The following KANK2 variants were observed in gnomAD, a reference collection of about 807,000 sequenced individuals.
KANK2 encodes KN motif and ankyrin repeat domains 2, also known as KN motif and ankyrin repeat domain-containing protein 2.
KANK2 carries 41 observed loss-of-function variants against 74.6 expected under a neutral mutation model. That is an observed-to-expected ratio of 0.55 (90% CI 0.43 to 0.71). KANK2 has a LOEUF of 0.71. KANK2 is among the 30% of genes least tolerant of loss of function. The pLI is 0.00. For missense variants in KANK2, 1,148 were observed against 1,196.4 expected, an observed-to-expected ratio of 0.96 and a Z score of 0.60; for synonymous variants, 537 against 519.0, an observed-to-expected ratio of 1.03 and a Z score of -0.47.
intron 10 of KANK2, 70 bp downstream of exon 10, chr19:11,172,911 C>G: frequency 6.5e-7 from 1 of 1,549,502 alleles, no homozygotes; most frequent in South Asian, 1.2e-5. Context: ...GGGTTTGGGC[C>G]TGTCACTCAG....
At chr19:11,178,528 C>T (rs1482342975) in intron 5 of KANK2, 25 bp downstream of exon 5, 1 of 1,603,014 alleles carries the variant, frequency 6.2e-7, no homozygotes, top group Non-Finnish European at 8.5e-7. Flanking sequence ...TGCCCCGTCC[C>T]TCTTGGCGGC....
chr19:11,186,902 C>A (rs1023000449), intron 4 of KANK2, among the ~76,000 whole-genome samples: 1 of 152,118 alleles, frequency 6.6e-6, no homozygotes, highest in Admixed American at 6.6e-5. Context: ...GTGAAGATGA[C>A]TCCAGCATTG....
upstream of KANK2, chr19:11,197,610 GCCCCCCCAGCCGGCACCGC>G (rs1251400532): frequency 2.0e-5 from 3 of 151,062 alleles, no homozygotes; most frequent in East Asian, 3.9e-4. Flanking sequence ...GGCTGGTCCC[GCCCCCCCAGCCGGCACCGC>G]CCCCTCCAGC....
At chr19:11,192,792 C>CG (rs368961143) in intron 4 of KANK2, 39 bp downstream of exon 4, 18 of 1,578,628 alleles carry the variant, frequency 1.1e-5, no homozygotes, top group East Asian at 9.3e-5. Context: ...GGCCCCCCCC[C>CG]CCCAAGCCAT....
intron 4 of KANK2, among the ~76,000 whole-genome samples, chr19:11,187,660 C>T (rs1309043966): frequency 4.6e-5 from 7 of 152,284 alleles, no homozygotes; most frequent in African/African-American, 1.2e-4. Flanking sequence ...TTTATTGGAA[C>T]GCAGCCACGT....
chr19:11,192,975 T>C lies in KANK2; in HGVS notation c.1105A>G (p.Met369Val), dbSNP rs191283373. ...PYGTGLRALA[M>V]PGRPESPPVF... Reference sequence around the variant, plus strand: ...GGTGGGCTCTCAGGCCTACCAGGCATTGCCAGGGCCCTCAGCCCTGTGCCG... The same window carrying C: ...GGTGGGCTCTCAGGCCTACCAGGCACTGCCAGGGCCCTCAGCCCTGTGCCG... Residue 369 changes from methionine (M) to valine (V), a missense_variant, in exon 4 of 13, where the codon ATG becomes GTG. Met to Val is a conservative substitution (Grantham distance 21, BLOSUM62 1). Transcript: ENST00000586659. 3 of 1,614,092 alleles carry C rather than the reference T, an allele frequency of 1.9e-6. No individual in the cohort carries two copies. Among genetic ancestry groups the C allele is most frequent in the African/African-American group, 2.7e-5 (2 of 75,070 alleles).
Position 11,170,859 on chromosome 19 carries a change from G to C in KANK2, c.2212-611C>G, listed in dbSNP as rs2078154203. 6.6e-6 allele frequency among the ~76,000 whole-genome samples: 1 copy of C among 152,036 alleles called. No homozygotes were observed. Among genetic ancestry groups the C allele is most frequent in the African/African-American group, 2.4e-5 (1 of 41,402 alleles). On this transcript the variant is annotated intron_variant, in intron 10 of 12. Coordinates refer to ENST00000586659, the MANE Select transcript of KANK2 (RefSeq NM_001136191.3). The surrounding 1 kb of genome is among the most constrained non-coding windows in gnomAD (Gnocchi z 5.2). Reference sequence around the variant, plus strand: ...TTTTTTGGAGATGGCGTCTCGCTCTGTCACCAGGCTGGAGTGCAGTGGCGC... The same window carrying C: ...TTTTTTGGAGATGGCGTCTCGCTCTCTCACCAGGCTGGAGTGCAGTGGCGC...
chr19:11,173,898 G>A (rs977935341), intron 9 of KANK2, among the ~76,000 whole-genome samples: 12 of 152,058 alleles, frequency 7.9e-5, no homozygotes, highest in African/African-American at 2.9e-4. Flanking sequence ...ATCAGACTGG[G>A]AGGGCCACAT....
intron 2 of KANK2, chr19:11,194,936 C>T (rs1036877867): frequency 6.4e-5 from 11 of 170,592 alleles, no homozygotes; most frequent in Middle Eastern, 2.8e-3. Context: ...AGCCCAGGCC[C>T]GGAGCTGGCC....
chr19:11,186,886 G>C (rs960681326), intron 4 of KANK2, among the ~76,000 whole-genome samples: 4 of 152,120 alleles, frequency 2.6e-5, no homozygotes, highest in African/African-American at 9.7e-5. Context: ...CCACAGAAGG[G>C]GTCGTGTGAA....
At chr19:11,173,228 C>A (rs1452701446) in intron 9 of KANK2, 105 bp from the exon 10 acceptor site, 4 of 1,235,658 alleles carry the variant, frequency 3.2e-6, no homozygotes, top group Non-Finnish European at 4.5e-6. Flanking sequence ...ATGCCCTAAT[C>A]CCTCCCTTTT....
intron 7 of KANK2, 122 bp downstream of exon 7, chr19:11,176,456 A>G: frequency 8.7e-7 from 1 of 1,149,008 alleles, no homozygotes; most frequent in Non-Finnish European, 1.2e-6. Flanking sequence ...TCGTTTGCTA[A>G]TTCAGACTAA....
chr19:11,170,024 G>C lies in KANK2; in HGVS notation c.2412+24C>G, dbSNP rs748762365. The C allele has an allele frequency of 2.2e-5, 36 of 1,612,172 alleles. No homozygotes were observed. The South Asian group carries it at 4.0e-4, about 18-fold the overall frequency. On this transcript the variant is annotated intron_variant, in intron 11 of 12. Transcript: ENST00000586659. This position sits in a 1 kb window ranked among gnomAD's most constrained non-coding sequence, Gnocchi z 5.2. ...CCATGCTGTGCTCCCGCCCTCCCCGGGGTGCACCTGGTTGGAGACTCACGC... is the reference window on the plus strand; with the variant it reads ...CCATGCTGTGCTCCCGCCCTCCCCGCGGTGCACCTGGTTGGAGACTCACGC...
intron 4 of KANK2, among the ~76,000 whole-genome samples, chr19:11,187,683 A>G (rs2078715739): frequency 6.6e-6 from 1 of 152,260 alleles, no homozygotes; most frequent in African/African-American, 2.4e-5. Context: ...GTTCATTTCC[A>G]TATTGTCTAC....
At chr19:11,178,826 T>C in intron 4 of KANK2, 106 bp from the exon 5 acceptor site, 1 of 1,030,580 alleles carries the variant, frequency 9.7e-7, no homozygotes, top group Non-Finnish European at 1.4e-6. Flanking sequence ...GGCTGATTTT[T>C]GTGTTACCAC....
At chr19:11,167,074 C>CT (rs1008361676) in intron 12 of KANK2, among the ~76,000 whole-genome samples, 18 of 151,796 alleles carry the variant, frequency 1.2e-4, no homozygotes, top group African/African-American at 3.6e-4. Context: ...TTTTTCTTTT[C>CT]TTTTTTTTGA....
At position 11,170,480 on chromosome 19, in the gene KANK2, A is replaced by G; in HGVS notation, c.2212-232T>C. On this transcript the variant is annotated intron_variant, in intron 10 of 12. Transcript: ENST00000586659. This position sits in a 1 kb window ranked among gnomAD's most constrained non-coding sequence, Gnocchi z 5.2. ...GGCTGGGAGAAGCGGGGGCGGAGGA[A>G]ATGATGGATACAGGTTTCCTTTGGG... is the stretch of plus-strand genomic sequence containing the variant. The G allele has an allele frequency of 1.7e-6, 1 of 579,626 alleles. No homozygotes were observed. Among genetic ancestry groups the G allele is most frequent in the Non-Finnish European group, 3.1e-6 (1 of 323,522 alleles). 35.9% of individuals were successfully genotyped at this position (579,626 alleles called of 1,614,324 possible). A position where few individuals can be genotyped will look rare whatever the true frequency, so the allele number is the denominator to read the frequency against.
Position 11,194,820 on chromosome 19 carries a change from G to T in KANK2, c.-79-230C>A, listed in dbSNP as rs373023474. The T allele has an allele frequency of 3.0e-4, 89 of 301,606 alleles. No homozygotes were observed. In the East Asian group the frequency reaches 5.6e-3, roughly 19 times the overall value. 18.7% of individuals were successfully genotyped at this position (301,606 alleles called of 1,614,324 possible). ...ACTGCCTGCTTGCACATCTGTCCAGGCCCTGGACAGGCTCCAGCTGTTCCC... is the reference window on the plus strand; with the variant it reads ...ACTGCCTGCTTGCACATCTGTCCAGTCCCTGGACAGGCTCCAGCTGTTCCC... On this transcript the variant is annotated intron_variant, in intron 2 of 12. Transcript: ENST00000586659.
intron 4 of KANK2, among the ~76,000 whole-genome samples, chr19:11,179,043 C>T (rs1233955872): frequency 6.6e-6 from 1 of 152,156 alleles, no homozygotes; most frequent in South Asian, 2.1e-4. Flanking sequence ...TGGCCGGGCA[C>T]GGTGACTCAT....
Sources: allele counts gnomAD v4.1 joint callset (sites outside exome capture counted in the v4.1 genomes callset), GRCh38; gene constraint gnomAD v4.1.1; non-coding constraint Gnocchi (gnomAD v3.1); transcripts MANE v1.5; gene names NCBI Gene and HGNC (gene_info 2026-07-23, HGNC 2026-07-21).